SGCZ: variants seen among roughly 807,000 people sequenced by gnomAD.
The protein encoded by SGCZ is sarcoglycan zeta, also known as zeta-sarcoglycan.
Under a neutral mutation model 41.3 loss-of-function variants are expected in SGCZ, and 40 were observed. The observed-to-expected ratio is 0.97, with a 90% confidence interval of 0.75 to 1.26. The LOEUF (loss-of-function observed/expected upper bound fraction) is 1.26. Ranked by LOEUF, SGCZ falls within the 50% of genes most tolerant of loss-of-function variation. The pLI is 0.00. For synonymous variants in SGCZ, 206 were observed against 137.5 expected (o/e 1.50, Z -3.49); for missense variants, 552 against 369.8 (o/e 1.49, Z -4.04).
chr8:15,072,345 G>C (rs956323241), intron 1 of SGCZ, among the ~76,000 whole-genome samples: 1 of 152,060 alleles, frequency 6.6e-6, no homozygotes, highest in Non-Finnish European at 1.5e-5. Context: ...CCATGGTGTG[G>C]TTTGAAGAGT....
At chr8:14,672,703 G>C (rs1268366032) in intron 1 of SGCZ, among the ~76,000 whole-genome samples, 1 of 152,112 alleles carries the variant, frequency 6.6e-6, no homozygotes, top group East Asian at 1.9e-4. Flanking sequence ...CTCCATCACA[G>C]AAAATTCTAA....
intron 1 of SGCZ, chr8:14,879,403 A>G (rs1019180589): frequency 6.6e-6 from 1 of 152,140 alleles, no homozygotes; most frequent in African/African-American, 2.4e-5. Context: ...TAATCATAGA[A>G]CTAGAAAACC....
intron 1 of SGCZ, among the ~76,000 whole-genome samples, chr8:15,203,877 A>G (rs533996224): frequency 9.7e-4 from 147 of 152,158 alleles, no homozygotes; most frequent in Non-Finnish European, 1.8e-3. Context: ...AACAATTCAA[A>G]TGGATTCATT....
At chr8:14,811,126 A>C (rs989623248) in intron 1 of SGCZ, among the ~76,000 whole-genome samples, 1 of 152,054 alleles carries the variant, frequency 6.6e-6, no homozygotes, top group Non-Finnish European at 1.5e-5. Flanking sequence ...TATAGAACAC[A>C]GAAATAAACT....
chr8:14,630,446 C>T (rs953688642), intron 1 of SGCZ, among the ~76,000 whole-genome samples: 3 of 151,978 alleles, frequency 2.0e-5, no homozygotes, highest in Admixed American at 1.3e-4. Flanking sequence ...AGTTCAACCA[C>T]TGTGGAAGAC....
chr8:15,012,117 T>C (rs1042135479), intron 1 of SGCZ, among the ~76,000 whole-genome samples: 1 of 152,140 alleles, frequency 6.6e-6, no homozygotes, highest in African/African-American at 2.4e-5. Flanking sequence ...TATTTTCTGA[T>C]TATACTGTAC....
At chr8:14,719,116 T>C (rs1207994449) in intron 1 of SGCZ, among the ~76,000 whole-genome samples, 2 of 150,434 alleles carry the variant, frequency 1.3e-5, no homozygotes, top group African/African-American at 4.9e-5. Flanking sequence ...TGGTTTTTTG[T>C]TCTTGCTATA....
At chr8:14,893,206 A>G (rs544774935) in intron 1 of SGCZ, among the ~76,000 whole-genome samples, 1 of 152,290 alleles carries the variant, frequency 6.6e-6, no homozygotes, top group African/African-American at 2.4e-5. Context: ...CTACAAGAGT[A>G]GGGTCAGAGA....
intron 1 of SGCZ, among the ~76,000 whole-genome samples, chr8:15,096,028 C>T (rs1219574698): frequency 6.6e-6 from 1 of 152,084 alleles, no homozygotes; most frequent in East Asian, 1.9e-4. Context: ...CGCCATCAAA[C>T]TGTGCCTTAT....
At chr8:15,116,780 T>G (rs1807285442) in intron 1 of SGCZ, among the ~76,000 whole-genome samples, 1 of 152,234 alleles carries the variant, frequency 6.6e-6, no homozygotes, top group Non-Finnish European at 1.5e-5. Flanking sequence ...TCCTAACATG[T>G]CAGCAAGTCA....
At chr8:14,785,290 A>T (rs971344303) in intron 1 of SGCZ, among the ~76,000 whole-genome samples, 1 of 152,018 alleles carries the variant, frequency 6.6e-6, no homozygotes, top group Non-Finnish European at 1.5e-5. Context: ...CCAGACAAAA[A>T]GTTGTCCTTT....
chr8:14,149,767 C>G (rs969663589), intron 5 of SGCZ, among the ~76,000 whole-genome samples: 2 of 151,900 alleles, frequency 1.3e-5, no homozygotes, highest in African/African-American at 4.8e-5. Context: ...CATCACCTGA[C>G]TTCAGATTAT....
intron 1 of SGCZ, among the ~76,000 whole-genome samples, chr8:14,919,338 G>T (rs558589346): frequency 6.6e-6 from 1 of 152,112 alleles, no homozygotes; most frequent in Non-Finnish European, 1.5e-5. Context: ...CTACTCAGGG[G>T]GCTGAAGCAG....
intron 2 of SGCZ, among the ~76,000 whole-genome samples, chr8:14,487,430 T>C (rs1281451481): frequency 2.0e-5 from 3 of 152,224 alleles, no homozygotes; most frequent in Non-Finnish European, 4.4e-5. Context: ...ATAGATACCA[T>C]AACATTGCCT....
In SGCZ at chr8:14,771,580, T is replaced by C. The variant is rs138432894; in HGVS notation, c.40-216654A>G. Among the ~76,000 whole-genome samples, 408 of 152,238 alleles carry C rather than the reference T, an allele frequency of 2.7e-3. 3 individuals are homozygous for C. The highest frequency in any genetic ancestry group is 8.5e-3 in the Admixed American group (130 of 15,282). ...AGAACATAAACAATTGATTTGCTAT[T>C]GGTATATATATTTAAAATAATGCAT... On this transcript the variant is annotated intron_variant, in intron 1 of 7. Coordinates refer to ENST00000382080, the MANE Select transcript of SGCZ (RefSeq NM_139167.4).
intron 2 of SGCZ, among the ~76,000 whole-genome samples, chr8:14,472,093 G>A (rs1801228367): frequency 6.6e-6 from 1 of 151,914 alleles, no homozygotes; most frequent in African/African-American, 2.4e-5. Context: ...TGCTTCTCTG[G>A]TTTTTGCAAT....
At chr8:14,959,654 A>G (rs781596779) in intron 1 of SGCZ, among the ~76,000 whole-genome samples, 3 of 152,144 alleles carry the variant, frequency 2.0e-5, no homozygotes, top group Non-Finnish European at 4.4e-5. Context: ...CTTATTTTAC[A>G]CACATATTCC....
chr8:14,697,891 C>G (rs908425248), intron 1 of SGCZ, among the ~76,000 whole-genome samples: 1 of 151,936 alleles, frequency 6.6e-6, no homozygotes, highest in Non-Finnish European at 1.5e-5. Context: ...CTTTCTGTTT[C>G]CCTCTATTGT....
intron 1 of SGCZ, among the ~76,000 whole-genome samples, chr8:14,680,669 G>T (rs983441554): frequency 6.6e-6 from 1 of 150,952 alleles, no homozygotes; most frequent in Non-Finnish European, 1.5e-5. Flanking sequence ...GACATAGATT[G>T]TACGGAGCAA....
Sources: gnomAD v4.1 joint callset for allele counts (sites outside exome capture counted in the v4.1 genomes callset) on GRCh38, gnomAD v4.1.1 for gene constraint, MANE v1.5 for transcripts, NCBI Gene and HGNC (gene_info 2026-07-23, HGNC 2026-07-21) for gene names.